NDST3: variants seen among roughly 807,000 people sequenced by gnomAD.
NDST3 encodes the protein bifunctional heparan sulfate N-deacetylase/N-sulfotransferase 3.
A neutral mutation model predicts 96.1 loss-of-function variants in NDST3; 58 were observed. The ratio of observed to expected loss-of-function variants is 0.60; its 90% confidence interval spans 0.49 to 0.75. The LOEUF is 0.75. NDST3 is among the 30% of genes least tolerant of loss of function. The pLI is 0.00. For synonymous variants in NDST3, 333 were observed against 359.7 expected, an observed-to-expected ratio of 0.93 and a Z score of 0.84; for missense variants, 788 against 1,034.2, an observed-to-expected ratio of 0.76 and a Z score of 3.27.
intron 2 of NDST3, among the ~76,000 whole-genome samples, chr4:118,092,809 T>G (rs2125833160): frequency 6.6e-6 from 1 of 151,924 alleles, no homozygotes; most frequent in South Asian, 2.1e-4. Flanking sequence ...AACAAGTAAG[T>G]ATATAGCATA....
chr4:118,082,004 T>C (rs538154409), intron 2 of NDST3, among the ~76,000 whole-genome samples: 6 of 152,286 alleles, frequency 3.9e-5, no homozygotes, highest in Non-Finnish European at 7.4e-5. Context: ...AGAAAGCTGT[T>C]TACAGCCATG....
chr4:118,181,212 G>T (rs1192322717), intron 6 of NDST3, among the ~76,000 whole-genome samples: 1 of 152,034 alleles, frequency 6.6e-6, no homozygotes, highest in East Asian at 1.9e-4. Context: ...GTCTCTTCAG[G>T]TAGCCACGAG....
intron 6 of NDST3, among the ~76,000 whole-genome samples, chr4:118,162,631 T>TA (rs1414631573): frequency 6.7e-6 from 1 of 149,704 alleles, no homozygotes; most frequent in Non-Finnish European, 1.5e-5. Context: ...ACATTAGACC[T>TA]AAAACCATAA....
chr4:118,223,812 C>CT (rs1258737393), intron 6 of NDST3, among the ~76,000 whole-genome samples: 1 of 151,940 alleles, frequency 6.6e-6, no homozygotes, highest in Non-Finnish European at 1.5e-5. Context: ...ATTTTATGAT[C>CT]TTTTTTATAG....
At chr4:118,212,032 C>A (rs1738835245) in intron 6 of NDST3, among the ~76,000 whole-genome samples, 1 of 152,090 alleles carries the variant, frequency 6.6e-6, no homozygotes, top group African/African-American at 2.4e-5. Context: ...TTCCACTTTC[C>A]CTTGTATCAA....
In NDST3 at chr4:118,133,118, A is replaced by G. The variant is rs11931769; in HGVS notation, c.1225-4936A>G. ...CCCTAGTCCACTGGCTCTAATCCCA[A>G]TCCAGCACTAGGAGTTGCCTAGGAA... On this transcript the variant is annotated intron_variant, in intron 4 of 13. Coordinates refer to ENST00000296499, the MANE Select transcript of NDST3 (RefSeq NM_004784.3). 4.7e-3 allele frequency among the ~76,000 whole-genome samples: 721 copies of G among 152,256 alleles called. 6 individuals are homozygous for G. The highest frequency in any genetic ancestry group is 0.017 in the African/African-American group (690 of 41,546).
chr4:118,178,153 A>T (rs556458098), intron 6 of NDST3, among the ~76,000 whole-genome samples: 154 of 152,106 alleles, frequency 1.0e-3, no homozygotes, highest in African/African-American at 3.5e-3. Flanking sequence ...TAGAATCTGG[A>T]TGTGTTATTT....
At chr4:118,077,026 C>G (rs546587596) in intron 2 of NDST3, among the ~76,000 whole-genome samples, 7 of 152,280 alleles carry the variant, frequency 4.6e-5, no homozygotes, top group Admixed American at 1.3e-4. Flanking sequence ...AATTGACTGG[C>G]TTCAATTCTG....
intron 2 of NDST3, among the ~76,000 whole-genome samples, chr4:118,068,918 C>T (rs1278772590): frequency 6.6e-6 from 1 of 151,840 alleles, no homozygotes; most frequent in Non-Finnish European, 1.5e-5. Flanking sequence ...AACCATGTAC[C>T]AAGACAGTGT....
intron 2 of NDST3, among the ~76,000 whole-genome samples, chr4:118,090,070 T>G (rs971272394): frequency 6.6e-5 from 10 of 151,932 alleles, no homozygotes; most frequent in African/African-American, 2.2e-4. Flanking sequence ...CCATAGTCCA[T>G]GGGGCAACCA....
chr4:118,203,598 G>C (rs1738239271), intron 6 of NDST3, among the ~76,000 whole-genome samples: 1 of 152,174 alleles, frequency 6.6e-6, no homozygotes, highest in South Asian at 2.1e-4. Flanking sequence ...TGTGTGCATA[G>C]GGTTGTGAGC....
chr4:118,253,540 A>C lies in NDST3; in HGVS notation c.2441A>C (p.Glu814Ala), dbSNP rs541002245. ...HKGFWCQLLE[E>A]GKTKCLGKSK... ...GGTTTCTGGTGTCAGTTACTGGAAG[A>C]AGGTAAAACAAAATGCCTTGGAAAG... is the stretch of plus-strand genomic sequence containing the variant. Residue 814 changes from glutamate (E) to alanine (A), a missense_variant, in exon 13 of 14, where the codon GAA becomes GCA. Physicochemically the swap from Glu to Ala is moderately radical, Grantham distance 107. This residue lies in a region of NDST3 where 64 missense variants were observed against 68.5 expected (regional missense o/e 0.93). Coordinates refer to ENST00000296499, the MANE Select transcript of NDST3 (RefSeq NM_004784.3). The C allele has an allele frequency of 6.2e-7, 1 of 1,613,228 alleles. No individual in the cohort carries two copies. The highest frequency in any genetic ancestry group is 8.5e-7 in the Non-Finnish European group (1 of 1,179,464).
intron 4 of NDST3, among the ~76,000 whole-genome samples, chr4:118,135,674 C>T (rs890021536): frequency 3.9e-5 from 6 of 152,034 alleles, no homozygotes; most frequent in African/African-American, 1.2e-4. Context: ...ATTCCAGAAG[C>T]GATGTTTTCT....
In NDST3 at chr4:118,134,554, T is replaced by C. The variant is rs533289694; in HGVS notation, c.1225-3500T>C. 8.6e-4 allele frequency among the ~76,000 whole-genome samples: 131 copies of C among 152,302 alleles called. 1 individual carries two copies. Among genetic ancestry groups the C allele is most frequent in the African/African-American group, 2.9e-3 (121 of 41,568 alleles). On this transcript the variant is annotated intron_variant, in intron 4 of 13. Coordinates refer to ENST00000296499, the MANE Select transcript of NDST3 (RefSeq NM_004784.3). ...TTAAGATATATACCAGAGATAGTACTGATAGGACATGACAGTGGACTAAAT... is the reference window on the plus strand; with the variant it reads ...TTAAGATATATACCAGAGATAGTACCGATAGGACATGACAGTGGACTAAAT...
rs1025034001 is a variant in NDST3, at chr4:118,256,812, A to G, written c.*1100A>G. On this transcript the variant is annotated 3_prime_UTR_variant, in exon 14 of 14. Transcript: ENST00000296499. ...CAGATAGTTCAAAATAAAATTATGTAATGTAGTAGAGATTTATAACAAAAA... is the reference window on the plus strand; with the variant it reads ...CAGATAGTTCAAAATAAAATTATGTGATGTAGTAGAGATTTATAACAAAAA... The G allele has an allele frequency of 2.0e-5, 3 of 152,220 alleles. No individual in the cohort carries two copies. Among genetic ancestry groups the G allele is most frequent in the African/African-American group, 4.8e-5 (2 of 41,466 alleles). The allele number at this position is 152,220 out of a possible 1,614,324, so 9.4% of individuals were successfully genotyped here. A position where few individuals can be genotyped will look rare whatever the true frequency, so the allele number is the denominator to read the frequency against.
intron 4 of NDST3, among the ~76,000 whole-genome samples, chr4:118,122,210 T>C (rs1731647794): frequency 6.6e-6 from 1 of 152,142 alleles, no homozygotes; most frequent in African/African-American, 2.4e-5. Flanking sequence ...CTCATACTAG[T>C]GGGCTGGAGT....
At chr4:118,243,630 A>G (rs191433086) in intron 12 of NDST3, among the ~76,000 whole-genome samples, 22 of 152,354 alleles carry the variant, frequency 1.4e-4, no homozygotes, top group East Asian at 1.3e-3. Flanking sequence ...CTTTTTAAGC[A>G]TCTCTTGGAA....
intron 8 of NDST3, among the ~76,000 whole-genome samples, chr4:118,228,182 CA>C (rs1000795728): frequency 6.6e-6 from 1 of 152,138 alleles, no homozygotes; most frequent in African/African-American, 2.4e-5. Flanking sequence ...TTGCAGATAT[CA>C]ATCTGAAAAC....
intron 6 of NDST3, among the ~76,000 whole-genome samples, chr4:118,216,590 T>A (rs1739207771): frequency 1.3e-5 from 2 of 152,102 alleles, no homozygotes; most frequent in Admixed American, 1.3e-4. Context: ...GGTGGAGCCC[T>A]CTTTCTTAAT....
Sources: allele counts gnomAD v4.1 joint callset (sites outside exome capture counted in the v4.1 genomes callset), GRCh38; gene constraint gnomAD v4.1.1; regional missense constraint gnomAD v4.1.1; transcripts MANE v1.5; gene names NCBI Gene and HGNC (gene_info 2026-07-23, HGNC 2026-07-21).